The following ZMAT5 variants were observed in gnomAD, a reference collection of about 807,000 sequenced individuals.
The protein encoded by ZMAT5 is zinc finger matrin-type 5, also known as zinc finger matrin-type protein 5.
In ZMAT5, 23 loss-of-function variants were observed where a neutral mutation model predicts 28.0. That is an observed-to-expected ratio of 0.82 (90% CI 0.59 to 1.16). The LOEUF is 1.16. Among genes scored for constraint, ZMAT5 ranks in the 50% most tolerant of loss-of-function variants. The pLI is 0.00. For synonymous variants in ZMAT5, 76 were observed against 84.1 expected, an observed-to-expected ratio of 0.90 and a Z score of 0.52; for missense variants, 173 against 212.7, an observed-to-expected ratio of 0.81 and a Z score of 1.16.
At chr22:29,751,896 G>A (rs1055974281) in intron 1 of ZMAT5, among the ~76,000 whole-genome samples, 1 of 152,048 alleles carries the variant, frequency 6.6e-6, no homozygotes, top group Non-Finnish European at 1.5e-5. Flanking sequence ...AGCCCAGGAG[G>A]CAGAGGCTGC....
chr22:29,740,748 A>T lies in ZMAT5; in HGVS notation c.191-18T>A. On this transcript the variant is annotated intron_variant, in intron 3 of 5. Transcript: ENST00000344318. ...GCACTGGCCTGCAGCAGGAAGACAG[A>T]GTTACTCGCTGCTCGGGAGGGGCTC... 6.3e-7 allele frequency: 1 copy of T among 1,581,508 alleles called. No individual in the cohort carries two copies. The highest frequency in any genetic ancestry group is 8.6e-7 in the Non-Finnish European group (1 of 1,163,514).
intron 5 of ZMAT5, 121 bp downstream of exon 5, chr22:29,738,198 TATGTGTAGGCA>T: frequency 1.2e-6 from 1 of 818,480 alleles, no homozygotes; most frequent in Non-Finnish European, 1.9e-6. Flanking sequence ...CTCGGGGAGC[TATGTGTAGGCA>T]ACTTTATTCG....
At chr22:29,742,871 CA>C (rs1201133177) in intron 2 of ZMAT5, among the ~76,000 whole-genome samples, 3 of 152,168 alleles carry the variant, frequency 2.0e-5, no homozygotes, top group Non-Finnish European at 4.4e-5. Context: ...TCACTGCAGC[CA>C]CTACCTCCTG....
chr22:29,754,749 C>T (rs892648932), intron 1 of ZMAT5, among the ~76,000 whole-genome samples: 3 of 152,060 alleles, frequency 2.0e-5, no homozygotes, highest in African/African-American at 7.2e-5. Context: ...TGGTACATAC[C>T]TGTAGTCCCA....
chr22:29,731,779 TAAAAATATA>T (rs2067848141), intron 5 of ZMAT5: 1 of 154,072 alleles, frequency 6.5e-6, no homozygotes. Flanking sequence ...TATTTTTGTT[TAAAAATATA>T]TAAAATATAT....
intron 1 of ZMAT5, among the ~76,000 whole-genome samples, chr22:29,762,412 G>A (rs1196675997): frequency 6.6e-6 from 1 of 152,252 alleles, no homozygotes; most frequent in African/African-American, 2.4e-5. Flanking sequence ...CAGGAGGTGA[G>A]TGGCAGGTGA....
chr22:29,737,376 C>T (rs1650052362), intron 5 of ZMAT5, among the ~76,000 whole-genome samples: 1 of 152,222 alleles, frequency 6.6e-6, no homozygotes, highest in South Asian at 2.1e-4. Flanking sequence ...GTCTCTTTCA[C>T]TGGAGCACAG....
rs2068029358 is a variant in ZMAT5 at position 29,748,507 on chromosome 22, G to A, written c.38C>T (p.Ser13Phe). The A allele has an allele frequency of 1.2e-6, 2 of 1,614,132 alleles. No individual in the cohort carries two copies. The highest frequency in any genetic ancestry group is 1.7e-5 in the Admixed American group (1 of 60,014). ...KRYFCDYCDR[S>F]FQDNLHNRKK... ...GCGGTTGTGGAGGTTGTCCTGGAAG[G>A]AGCGGTCGCAGTAGTCACAGAAGTA... The change falls in exon 2 of 6, where the codon TCC becomes TTC. Residue 13 changes from serine (S) to phenylalanine (F), a missense_variant. Coordinates refer to ENST00000344318, the MANE Select transcript of ZMAT5 (RefSeq NM_001003692.2).
rs865975894 is a variant in ZMAT5, at chr22:29,761,002, C to T, written c.-28+5870G>A. Among the ~76,000 whole-genome samples the T allele has an allele frequency of 1.4e-4, 21 of 151,942 alleles. No individual in the cohort carries two copies. The Middle Eastern group carries it at 0.01, about 75-fold the overall frequency. On this transcript the variant is annotated intron_variant, in intron 1 of 5. Transcript: ENST00000344318. ...TTAAAAAGTAGCTGTTGGCCAGGCA[C>T]GGTGGCTCACGCCTGTAATCCCAGC...
At chr22:29,750,677 G>A (rs2068048105) in intron 1 of ZMAT5, among the ~76,000 whole-genome samples, 1 of 152,204 alleles carries the variant, frequency 6.6e-6, no homozygotes, top group Non-Finnish European at 1.5e-5. Context: ...AAAGGTTCCT[G>A]AGGCCCAGAT....
chr22:29,753,031 C>A (rs1464315715), intron 1 of ZMAT5, among the ~76,000 whole-genome samples: 1 of 152,298 alleles, frequency 6.6e-6, no homozygotes, highest in Non-Finnish European at 1.5e-5. Context: ...GAGCGGGATA[C>A]CCAGCCTGGG....
In ZMAT5 at chr22:29,748,410, G is replaced by A. The variant is rs778460609; in HGVS notation, c.127+8C>T. On this transcript the variant is annotated splice_region_variant and intron_variant, in intron 2 of 5. Coordinates refer to ENST00000344318, the MANE Select transcript of ZMAT5 (RefSeq NM_001003692.2). Reference sequence around the variant, plus strand: ...CCAGGAGCCTGGCCCCCAGCCAGCGGCACCCACCTCGGAACATGTCGTACC... The same window carrying A: ...CCAGGAGCCTGGCCCCCAGCCAGCGACACCCACCTCGGAACATGTCGTACC... The A allele has an allele frequency of 1.9e-6, 3 of 1,614,200 alleles. No individual in the cohort carries two copies. Among genetic ancestry groups the A allele is most frequent in the Middle Eastern group, 1.6e-4 (1 of 6,062 alleles).
chr22:29,742,846 T>C (rs2147222525), intron 2 of ZMAT5, among the ~76,000 whole-genome samples: 1 of 152,098 alleles, frequency 6.6e-6, no homozygotes, highest in South Asian at 2.1e-4. Context: ...TGGAGTGCAG[T>C]GGTGCAATCA....
At chr22:29,742,610 C>T in intron 2 of ZMAT5, 130 bp from the exon 3 acceptor site, 1 of 842,426 alleles carries the variant, frequency 1.2e-6, no homozygotes, top group East Asian at 2.7e-5. Flanking sequence ...TTTCCTGTTC[C>T]ACGGAGGAGT....
intron 1 of ZMAT5, among the ~76,000 whole-genome samples, chr22:29,750,345 C>G (rs746841945): frequency 4.6e-5 from 7 of 152,214 alleles, no homozygotes; most frequent in Admixed American, 2.6e-4. Flanking sequence ...AGGGCGCAGG[C>G]AGTGAATGCT....
At chr22:29,734,015 C>T (rs1465207223) in intron 5 of ZMAT5, among the ~76,000 whole-genome samples, 6 of 152,338 alleles carry the variant, frequency 3.9e-5, no homozygotes, top group East Asian at 3.9e-4. Flanking sequence ...TGCATTTTCC[C>T]AGCCGCGGTC....
chr22:29,738,311 G>T lies in ZMAT5; in HGVS notation c.383+19C>A. Reference sequence around the variant, plus strand: ...TGCCCCCAGGGGGCACAGCGGGAGGGAACCCTGGGGACCTGTACCTGCTAC... The same window carrying T: ...TGCCCCCAGGGGGCACAGCGGGAGGTAACCCTGGGGACCTGTACCTGCTAC... On this transcript the variant is annotated intron_variant, in intron 5 of 5. Coordinates refer to ENST00000344318, the MANE Select transcript of ZMAT5 (RefSeq NM_001003692.2). The T allele has an allele frequency of 6.2e-7, 1 of 1,604,596 alleles. No homozygotes were observed. Among genetic ancestry groups the T allele is most frequent in the South Asian group, 1.1e-5 (1 of 91,028 alleles).
chr22:29,736,022 G>A (rs751375148), intron 5 of ZMAT5, among the ~76,000 whole-genome samples: 5 of 152,166 alleles, frequency 3.3e-5, no homozygotes, highest in Admixed American at 2.0e-4. Context: ...CGCTCCCAGC[G>A]GAGGACACCA....
intron 5 of ZMAT5, among the ~76,000 whole-genome samples, chr22:29,732,691 G>T (rs922860753): frequency 7.1e-6 from 1 of 140,748 alleles, no homozygotes; most frequent in Non-Finnish European, 1.5e-5. Context: ...AGTGAGCCGA[G>T]ATCGCGCCAC....
Sources: allele counts gnomAD v4.1 joint callset (sites outside exome capture counted in the v4.1 genomes callset), GRCh38; gene constraint gnomAD v4.1.1; transcripts MANE v1.5; gene names NCBI Gene and HGNC (gene_info 2026-07-23, HGNC 2026-07-21).